The following CACNB2 variants were observed in gnomAD, a reference collection of about 807,000 sequenced individuals.
The protein encoded by CACNB2 is calcium voltage-gated channel auxiliary subunit beta 2.
CACNB2 carries 42 observed loss-of-function variants against 73.3 expected under a neutral mutation model. The ratio of observed to expected loss-of-function variants is 0.57; its 90% CI spans 0.45 to 0.74. The LOEUF is 0.74. CACNB2 is among the 30% of genes least tolerant of loss of function. CACNB2 has a pLI of 0.00. For missense variants in CACNB2, 940 were observed against 853.0 expected (o/e 1.10, Z -1.27); for synonymous variants, 348 against 310.3 (o/e 1.12, Z -1.28).
chr10:18,423,029 A>G (rs921838303), intron 3 of CACNB2, among the ~76,000 whole-genome samples: 4 of 152,230 alleles, frequency 2.6e-5, no homozygotes, highest in Non-Finnish European at 5.9e-5. Context: ...TTGTAGAGGC[A>G]TAATAAATAT....
chr10:18,215,405 G>A (rs550580053), intron 2 of CACNB2, among the ~76,000 whole-genome samples: 13 of 152,050 alleles, frequency 8.5e-5, no homozygotes, highest in Non-Finnish European at 1.6e-4. Context: ...AACTCAGGGG[G>A]CCCCCTGGAA....
intron 2 of CACNB2, among the ~76,000 whole-genome samples, chr10:18,399,393 C>T (rs148358069): frequency 1.4e-3 from 209 of 152,284 alleles, no homozygotes; most frequent in African/African-American, 4.8e-3. Context: ...AATAGGTGAT[C>T]TATTAATTTA....
chr10:18,434,857 C>T (rs951452395), intron 3 of CACNB2, among the ~76,000 whole-genome samples: 1 of 152,110 alleles, frequency 6.6e-6, no homozygotes, highest in Non-Finnish European at 1.5e-5. Context: ...CATCACAGGT[C>T]GTGTAAGTAT....
Position 18,468,141 on chromosome 10 carries a change from A to AGG in CACNB2, c.334-30214_334-30213insGG, listed in dbSNP as rs1230264409. 2.1e-3 allele frequency among the ~76,000 whole-genome samples: 324 copies of AGG among 152,232 alleles called. 1 individual carries two copies. The highest frequency in any genetic ancestry group is 7.5e-3 in the African/African-American group (313 of 41,540). On this transcript the variant is annotated intron_variant, in intron 3 of 13. Transcript: ENST00000324631. Reference sequence around the variant, plus strand: ...TGTAGAACTGGGGTGCTCAAACACCAATTTTTCTCAGGATTACTGAAAAAC... The same window carrying AGG: ...TGTAGAACTGGGGTGCTCAAACACCAGGATTTTTCTCAGGATTACTGAAAAAC...
intron 2 of CACNB2, among the ~76,000 whole-genome samples, chr10:18,258,550 A>G (rs1195495722): frequency 2.0e-5 from 3 of 151,850 alleles, no homozygotes; most frequent in African/African-American, 4.8e-5. Flanking sequence ...CCGTGGTGAA[A>G]CCCCATCTCT....
At chr10:18,267,541 G>A (rs2037866244) in intron 2 of CACNB2, among the ~76,000 whole-genome samples, 1 of 152,154 alleles carries the variant, frequency 6.6e-6, no homozygotes, top group Non-Finnish European at 1.5e-5. Flanking sequence ...AGGAGGTGGA[G>A]GTTGCAGTGA....
chr10:18,253,556 T>A (rs1026438937), intron 2 of CACNB2, among the ~76,000 whole-genome samples: 1 of 152,176 alleles, frequency 6.6e-6, no homozygotes, highest in African/African-American at 2.4e-5. Flanking sequence ...CTTTCTTGTC[T>A]TTTGCCACCA....
intron 3 of CACNB2, among the ~76,000 whole-genome samples, chr10:18,491,511 C>T (rs2049422684): frequency 6.6e-6 from 1 of 152,088 alleles, no homozygotes; most frequent in African/African-American, 2.4e-5. Context: ...TTATTTGAGC[C>T]TAGGAGGTTG....
intron 3 of CACNB2, among the ~76,000 whole-genome samples, chr10:18,485,133 C>G (rs1182732792): frequency 1.3e-5 from 2 of 152,086 alleles, no homozygotes; most frequent in African/African-American, 4.8e-5. Context: ...CAGAGTGAGA[C>G]CCTGTCTTAA....
At chr10:18,468,215 T>A (rs567311786) in intron 3 of CACNB2, among the ~76,000 whole-genome samples, 1 of 152,022 alleles carries the variant, frequency 6.6e-6, no homozygotes, top group Non-Finnish European at 1.5e-5. Flanking sequence ...ATCCCAACAT[T>A]TTGGGAGGCT....
At chr10:18,205,138 C>T (rs1012556850) in intron 2 of CACNB2, among the ~76,000 whole-genome samples, 4 of 152,098 alleles carry the variant, frequency 2.6e-5, no homozygotes, top group African/African-American at 9.7e-5. Context: ...CCTGGACTTT[C>T]CTTTCAACAT....
chr10:18,273,926 CTTG>C (rs777544702), intron 2 of CACNB2, among the ~76,000 whole-genome samples: 16 of 152,214 alleles, frequency 1.1e-4, no homozygotes, highest in South Asian at 2.1e-4. Context: ...TTTGTTTCTT[CTTG>C]TTGTTGGAAT....
At chr10:18,443,002 A>G (rs1475805791) in intron 3 of CACNB2, among the ~76,000 whole-genome samples, 30 of 24,226 alleles carry the variant, frequency 1.2e-3, no homozygotes, top group Non-Finnish European at 1.6e-3. Flanking sequence ...ATATATGTGT[A>G]TATATATATA....
chr10:18,166,693 G>T (rs1260096617), intron 2 of CACNB2, among the ~76,000 whole-genome samples: 1 of 152,106 alleles, frequency 6.6e-6, no homozygotes, highest in East Asian at 1.9e-4. Flanking sequence ...GGCCCCAGGT[G>T]GCTCTAGAAT....
chr10:18,400,108 C>T (rs1356781120), intron 2 of CACNB2, among the ~76,000 whole-genome samples: 2 of 152,218 alleles, frequency 1.3e-5, no homozygotes, highest in African/African-American at 4.8e-5. Context: ...AAACTCAACG[C>T]TTTATAAAGC....
intron 2 of CACNB2, among the ~76,000 whole-genome samples, chr10:18,321,202 T>C (rs911017798): frequency 1.3e-5 from 2 of 152,166 alleles, no homozygotes; most frequent in African/African-American, 4.8e-5. Context: ...GGGAAGTTGA[T>C]ATTGAGCCTC....
intron 9 of CACNB2, among the ~76,000 whole-genome samples, chr10:18,521,025 G>A (rs1332897684): frequency 1.3e-5 from 2 of 152,192 alleles, no homozygotes; most frequent in Non-Finnish European, 2.9e-5. Flanking sequence ...TATTCTCAGT[G>A]CCTGGAGCAG....
intron 4 of CACNB2, among the ~76,000 whole-genome samples, chr10:18,500,541 T>C (rs764481619): frequency 1.3e-5 from 2 of 152,186 alleles, no homozygotes; most frequent in African/African-American, 2.4e-5. Context: ...TTATCCCTAC[T>C]CATGGTGACA....
At chr10:18,383,560 C>T (rs1342102731) in intron 2 of CACNB2, among the ~76,000 whole-genome samples, 1 of 152,138 alleles carries the variant, frequency 6.6e-6, no homozygotes, top group Admixed American at 6.6e-5. Flanking sequence ...TCAGCAGTGA[C>T]AGAGGCAACA....
Sources: gnomAD v4.1 joint callset for allele counts (sites outside exome capture counted in the v4.1 genomes callset) on GRCh38, gnomAD v4.1.1 for gene constraint, MANE v1.5 for transcripts, NCBI Gene and HGNC (gene_info 2026-07-23, HGNC 2026-07-21) for gene names.